LRRC37A2: variants seen among roughly 807,000 people sequenced by gnomAD.
The protein encoded by LRRC37A2 is leucine rich repeat containing 37 member A2, also known as leucine-rich repeat-containing protein 37A2.
A neutral mutation model predicts 68.8 loss-of-function variants in LRRC37A2; 9 were observed. The observed-to-expected ratio is 0.13, with a 90% CI of 0.08 to 0.23. The LOEUF is 0.23. Among genes scored for constraint, LRRC37A2 ranks in the 10% least tolerant of loss-of-function variants. LRRC37A2 has a pLI of 1.00. For synonymous variants in LRRC37A2, 63 were observed against 367.6 expected (o/e 0.17, Z 9.48); for missense variants, 168 against 950.4 (o/e 0.18, Z 10.82).
At chr17:46,839,130 G>A in the LRRC37A2 span, among the ~76,000 whole-genome samples, 3 of 152,092 alleles carry the variant, frequency 2.0e-5, no homozygotes, top group Non-Finnish European at 4.4e-5. Flanking sequence ...CGCCCGCCTC[G>A]GCCTCCCAAA....
the LRRC37A2 span, among the ~76,000 whole-genome samples, chr17:46,866,251 G>C: frequency 6.6e-6 from 1 of 152,156 alleles, no homozygotes; most frequent in African/African-American, 2.4e-5. Context: ...CCAGAGCCAT[G>C]GTGCCCTCTC....
chr17:46,821,928 G>T, the LRRC37A2 span, among the ~76,000 whole-genome samples: 1 of 152,234 alleles, frequency 6.6e-6, no homozygotes, highest in East Asian at 1.9e-4. Flanking sequence ...GGGGCTACCC[G>T]TCTGTCGCGG....
chr17:46,918,119 G>T, the LRRC37A2 span, among the ~76,000 whole-genome samples: 1 of 151,956 alleles, frequency 6.6e-6, no homozygotes, highest in African/African-American at 2.4e-5. Flanking sequence ...TCGCTCTGTC[G>T]CCCAGGCTAG....
chr17:46,382,322 TTC>T, the LRRC37A2 span, among the ~76,000 whole-genome samples: 1 of 83,864 alleles, frequency 1.2e-5, no homozygotes, highest in Non-Finnish European at 3.2e-5. Context: ...CAATTGACTC[TTC>T]TTTGTATTGC....
chr17:46,706,944 G>A, the LRRC37A2 span, among the ~76,000 whole-genome samples: 3 of 145,652 alleles, frequency 2.1e-5, no homozygotes, highest in East Asian at 2.0e-4. Context: ...TCCATCTCCC[G>A]GGTTCAAGCA....
the LRRC37A2 span, among the ~76,000 whole-genome samples, chr17:46,829,461 G>A: frequency 1.3e-5 from 2 of 152,170 alleles, no homozygotes; most frequent in Non-Finnish European, 2.9e-5. Flanking sequence ...AAGGCACCAC[G>A]CCTGGCCTCA....
At chr17:46,974,733 CAAA>C in the LRRC37A2 span, among the ~76,000 whole-genome samples, 5 of 64,394 alleles carry the variant, frequency 7.8e-5, no homozygotes, top group Admixed American at 1.5e-4. Flanking sequence ...GACTCTCTCT[CAAA>C]AAAAAAAAAA....
the LRRC37A2 span, chr17:46,931,086 C>A: frequency 7.4e-7 from 1 of 1,359,386 alleles, no homozygotes. Flanking sequence ...ATTCTTTTTT[C>A]TTTTTTGTAC....
the LRRC37A2 span, among the ~76,000 whole-genome samples, chr17:46,873,523 C>CT: frequency 2.6e-5 from 4 of 152,182 alleles, no homozygotes; most frequent in African/African-American, 9.7e-5. Flanking sequence ...GTGGGTCTCC[C>CT]TGTCAATTGC....
At chr17:46,935,784 G>A in the LRRC37A2 span, 2 of 986,664 alleles carry the variant, frequency 2.0e-6, no homozygotes, top group Admixed American at 6.1e-5. Context: ...CCAGCCCCTG[G>A]GAGTGGTTTA....
the LRRC37A2 span, among the ~76,000 whole-genome samples, chr17:46,862,371 A>T: frequency 6.6e-6 from 1 of 152,142 alleles, no homozygotes; most frequent in South Asian, 2.1e-4. Flanking sequence ...TTGCAGGTAG[A>T]CATCTACAGG....
At chr17:46,980,577 C>T in the LRRC37A2 span, among the ~76,000 whole-genome samples, 1 of 150,068 alleles carries the variant, frequency 6.7e-6, no homozygotes, top group Admixed American at 6.7e-5. Context: ...AATCCCAGCA[C>T]TTTGAGAGGC....
chr17:46,980,564 T>G, the LRRC37A2 span, among the ~76,000 whole-genome samples: 1 of 151,326 alleles, frequency 6.6e-6, no homozygotes, highest in Non-Finnish European at 1.5e-5. Flanking sequence ...GGCTCACGCC[T>G]GTAATCCCAG....
the LRRC37A2 span, among the ~76,000 whole-genome samples, chr17:46,575,335 A>G: frequency 2.0e-4 from 30 of 151,540 alleles, no homozygotes; most frequent in African/African-American, 7.3e-4. Flanking sequence ...CAGCTTGTCT[A>G]TTTCTCTAGT....
intron 8 of LRRC37A2, among the ~76,000 whole-genome samples, chr17:46,541,147 A>C (rs937874592): frequency 8.8e-5 from 12 of 137,012 alleles, no homozygotes; most frequent in Non-Finnish European, 3.0e-5. Flanking sequence ...CCTGTTAGCT[A>C]CTAATCTGAT....
At chr17:46,958,667 C>T in the LRRC37A2 span, among the ~76,000 whole-genome samples, 1 of 152,232 alleles carries the variant, frequency 6.6e-6, no homozygotes, top group South Asian at 2.1e-4. Context: ...CCACCACTCC[C>T]TCTGATGGAC....
chr17:46,934,636 C>G, the LRRC37A2 span, among the ~76,000 whole-genome samples: 6 of 152,202 alleles, frequency 3.9e-5, no homozygotes, highest in Admixed American at 1.3e-4. Flanking sequence ...ACATTTAACA[C>G]TGCATTAAGG....
the LRRC37A2 span, among the ~76,000 whole-genome samples, chr17:46,899,238 A>AAAT: frequency 3.8e-3 from 576 of 151,886 alleles, 2 homozygotes; most frequent in African/African-American, 0.013. Context: ...TAAAAATACA[A>AAAT]AATAATAATA....
chr17:46,710,675 A>G, the LRRC37A2 span, among the ~76,000 whole-genome samples: 1 of 152,180 alleles, frequency 6.6e-6, no homozygotes, highest in Non-Finnish European at 1.5e-5. Context: ...AAATAAGCAC[A>G]TTGGAACATA....
Sources: gnomAD v4.1 joint callset for allele counts (sites outside exome capture counted in the v4.1 genomes callset) on GRCh38, gnomAD v4.1.1 for gene constraint, MANE v1.5 for transcripts, NCBI Gene and HGNC (gene_info 2026-07-23, HGNC 2026-07-21) for gene names.